GPC5: variants seen among roughly 807,000 people sequenced by gnomAD.
GPC5 encodes the protein glypican-5.
Under a neutral mutation model 53.9 loss-of-function variants are expected in GPC5, and 47 were observed. The observed-to-expected ratio is 0.87, with a 90% CI of 0.69 to 1.11. The LOEUF (loss-of-function observed/expected upper bound fraction) is 1.11, where lower values mean the gene tolerates loss of function less well. Ranked by LOEUF, GPC5 falls within the 50% of genes most tolerant of loss-of-function variation. The pLI is 0.00. For synonymous variants in GPC5, 286 were observed against 263.3 expected, an observed-to-expected ratio of 1.09 and a Z score of -0.84; for missense variants, 748 against 713.1, an observed-to-expected ratio of 1.05 and a Z score of -0.56.
At chr13:92,437,314 A>C (rs1368928905) in intron 7 of GPC5, among the ~76,000 whole-genome samples, 2 of 152,164 alleles carry the variant, frequency 1.3e-5, no homozygotes, top group Non-Finnish European at 2.9e-5. Flanking sequence ...GTCTTTATTT[A>C]GTTTTTTGAT....
intron 6 of GPC5, among the ~76,000 whole-genome samples, chr13:92,022,528 G>A (rs2040767743): frequency 6.6e-6 from 1 of 151,806 alleles, no homozygotes; most frequent in Non-Finnish European, 1.5e-5. Flanking sequence ...TCAGGTACAT[G>A]GTGGATCTTA....
intron 5 of GPC5, among the ~76,000 whole-genome samples, chr13:91,907,198 T>A (rs2138996363): frequency 6.7e-6 from 1 of 149,126 alleles, no homozygotes; most frequent in East Asian, 2.0e-4. Flanking sequence ...TACTGCCAAA[T>A]CCCTAATGGA....
rs994540083 is a variant in GPC5 at position 92,026,033 on chromosome 13, C to G, written c.1401+117976C>G. 2.6e-5 allele frequency among the ~76,000 whole-genome samples: 4 copies of G among 152,078 alleles called. No homozygotes were observed. In the East Asian group the frequency reaches 7.7e-4, roughly 29 times the overall value. On this transcript the variant is annotated intron_variant, in intron 6 of 7. Coordinates refer to ENST00000377067, the MANE Select transcript of GPC5 (RefSeq NM_004466.6). ...GATCTCTAATTATAAACAGTACTTCCACAGCACTTCCGAGCAGGAGTAGAA... is the reference window on the plus strand; with the variant it reads ...GATCTCTAATTATAAACAGTACTTCGACAGCACTTCCGAGCAGGAGTAGAA...
chr13:92,494,511 C>A (rs1879895471), intron 7 of GPC5, among the ~76,000 whole-genome samples: 2 of 152,132 alleles, frequency 1.3e-5, no homozygotes, highest in Admixed American at 1.3e-4. Context: ...ATTGTACTTA[C>A]CAACTTATTT....
intron 6 of GPC5, among the ~76,000 whole-genome samples, chr13:92,032,426 A>T (rs892081431): frequency 6.6e-6 from 1 of 151,260 alleles, no homozygotes; most frequent in Admixed American, 6.6e-5. Flanking sequence ...TTTCCCCCCA[A>T]ACCTATGGAA....
In GPC5 at chr13:92,646,597, T is replaced by G. The variant is rs1885778050; in HGVS notation, c.1562-219685T>G. Among the ~76,000 whole-genome samples the G allele has an allele frequency of 2.0e-5, 3 of 152,136 alleles. No individual in the cohort carries two copies. The South Asian group carries it at 6.2e-4, about 31-fold the overall frequency. ...GATTGAATTGAATTTATAAATAAAT[T>G]TGGGTAGAACTGAGATTTAAATAAT... On this transcript the variant is annotated intron_variant, in intron 7 of 7. Transcript: ENST00000377067.
chr13:92,005,314 C>T (rs547448077), intron 6 of GPC5, among the ~76,000 whole-genome samples: 3 of 152,246 alleles, frequency 2.0e-5, no homozygotes, highest in Admixed American at 6.5e-5. Flanking sequence ...CTTTTATCCA[C>T]GTTTAAATCT....
intron 5 of GPC5, among the ~76,000 whole-genome samples, chr13:91,792,302 C>T (rs1471577604): frequency 1.3e-5 from 2 of 152,122 alleles, no homozygotes; most frequent in African/African-American, 2.4e-5. Context: ...TTAACTATGA[C>T]TATTGGTTTA....
At chr13:92,004,544 T>C (rs1040049361) in intron 6 of GPC5, among the ~76,000 whole-genome samples, 5 of 145,838 alleles carry the variant, frequency 3.4e-5, no homozygotes, top group Non-Finnish European at 6.0e-5. Flanking sequence ...TATATATGAC[T>C]CTATTCATGC....
chr13:92,833,903 GA>G (rs898972979), intron 7 of GPC5, among the ~76,000 whole-genome samples: 9 of 152,124 alleles, frequency 5.9e-5, no homozygotes, highest in African/African-American at 2.2e-4. Context: ...CAAGATTATA[GA>G]AGGCTTTGTA....
At chr13:91,442,912 TTATTTACTGGTACAGTTCA>T (rs1880536888) in intron 1 of GPC5, among the ~76,000 whole-genome samples, 1 of 152,228 alleles carries the variant, frequency 6.6e-6, no homozygotes, top group Non-Finnish European at 1.5e-5. Context: ...TGCTGTTTGA[TTATTTACTGGTACAGTTCA>T]TATCCAAAAG....
At chr13:92,650,034 T>G (rs1183033019) in intron 7 of GPC5, among the ~76,000 whole-genome samples, 2 of 152,150 alleles carry the variant, frequency 1.3e-5, no homozygotes, top group African/African-American at 4.8e-5. Context: ...ATTTGAGGGA[T>G]TTTTGTTGTT....
chr13:92,285,211 C>CT (rs1209742478), intron 7 of GPC5, among the ~76,000 whole-genome samples: 1 of 152,206 alleles, frequency 6.6e-6, no homozygotes, highest in East Asian at 1.9e-4. Context: ...TCAAGGAGGA[C>CT]TACAAACCAC....
chr13:92,213,247 TC>T (rs371195574), intron 7 of GPC5, among the ~76,000 whole-genome samples: 10 of 152,332 alleles, frequency 6.6e-5, no homozygotes, highest in African/African-American at 1.7e-4. Context: ...CAATGTGTTT[TC>T]CTTTGTATCA....
intron 2 of GPC5, among the ~76,000 whole-genome samples, chr13:91,555,907 A>G (rs1298893062): frequency 5.3e-5 from 8 of 152,034 alleles, no homozygotes; most frequent in Admixed American, 5.2e-4. Flanking sequence ...ATTATCTTCC[A>G]TTAGGTCCCT....
chr13:92,265,614 T>C (rs1413332237), intron 7 of GPC5, among the ~76,000 whole-genome samples: 1 of 152,188 alleles, frequency 6.6e-6, no homozygotes, highest in Non-Finnish European at 1.5e-5. Flanking sequence ...TTCTGAACTC[T>C]CACCAGAATC....
At chr13:92,626,049 T>C (rs1885034848) in intron 7 of GPC5, among the ~76,000 whole-genome samples, 1 of 152,234 alleles carries the variant, frequency 6.6e-6, no homozygotes, top group African/African-American at 2.4e-5. Context: ...GCTTTAATCA[T>C]AACCATACCA....
At chr13:91,603,843 A>G (rs1422473888) in intron 2 of GPC5, among the ~76,000 whole-genome samples, 3 of 152,076 alleles carry the variant, frequency 2.0e-5, no homozygotes, top group African/African-American at 7.2e-5. Context: ...ATCTTCATCT[A>G]TATTGGTTTA....
At chr13:91,519,067 C>T (rs1334673188) in intron 2 of GPC5, among the ~76,000 whole-genome samples, 2 of 152,046 alleles carry the variant, frequency 1.3e-5, no homozygotes, top group African/African-American at 4.8e-5. Context: ...TAATGTTTTC[C>T]GTGAATTAGC....
Sources: allele counts gnomAD v4.1 joint callset (sites outside exome capture counted in the v4.1 genomes callset), GRCh38; gene constraint gnomAD v4.1.1; transcripts MANE v1.5; gene names NCBI Gene and HGNC (gene_info 2026-07-23, HGNC 2026-07-21).